The following PLCZ1 variants were observed in gnomAD, a reference collection of about 807,000 sequenced individuals.
The protein encoded by PLCZ1 is phospholipase C zeta 1.
Under a neutral mutation model 76.8 loss-of-function variants are expected in PLCZ1, and 64 were observed. The ratio of observed to expected loss-of-function variants is 0.83; its 90% CI spans 0.68 to 1.03. The LOEUF is 1.03. Ranked by LOEUF, PLCZ1 falls within the 50% of genes least tolerant of loss-of-function variation. PLCZ1 has a pLI of 0.00. For synonymous variants in PLCZ1, 248 were observed against 230.8 expected (o/e 1.07, Z -0.68); for missense variants, 751 against 713.7 (o/e 1.05, Z -0.60).
the PLCZ1 span, among the ~76,000 whole-genome samples, chr12:18,665,807 C>T: frequency 1.9e-4 from 29 of 151,710 alleles, no homozygotes; most frequent in Non-Finnish European, 3.8e-4. Flanking sequence ...TAGTGGTGCG[C>T]ACCTGTAGTC....
the PLCZ1 span, among the ~76,000 whole-genome samples, chr12:18,677,987 A>G: frequency 6.6e-6 from 1 of 152,118 alleles, no homozygotes; most frequent in Non-Finnish European, 1.5e-5. Context: ...GAGTATGTCA[A>G]TTAGCATAAA....
chr12:18,720,076 G>A (rs1037687988), intron 4 of PLCZ1, among the ~76,000 whole-genome samples: 1 of 151,952 alleles, frequency 6.6e-6, no homozygotes, highest in South Asian at 2.1e-4. Flanking sequence ...GTTTTCTTTG[G>A]TTGTTGCACT....
At position 18,736,308 on chromosome 12, in the gene PLCZ1, A is replaced by C; in HGVS notation, c.48T>G (p.Gly16=). 1 of 1,612,670 alleles carries C rather than the reference A, an allele frequency of 6.2e-7. No individual in the cohort carries two copies. Among genetic ancestry groups the C allele is most frequent in the Non-Finnish European group, 8.5e-7 (1 of 1,179,284 alleles). The change falls in exon 3 of 15, where the codon GGT becomes GGG. Residue 16 remains glycine (G), a synonymous_variant. Transcript: ENST00000266505. The part of the protein sequence containing the change: ...FLSKIQDDFR[G]GKINLEKTQR... ...GAGTTTTTTCTAGGTTAATTTTTCC[A>C]CCTCTGAAGTCATCCTGAATCTTTG...
chr12:18,690,713 C>A (rs1227021613), intron 12 of PLCZ1, among the ~76,000 whole-genome samples: 1 of 152,056 alleles, frequency 6.6e-6, no homozygotes, highest in Non-Finnish European at 1.5e-5. Flanking sequence ...AGACATGATT[C>A]CTAAGTCTTG....
chr12:18,736,360 A>T lies in PLCZ1; in HGVS notation c.12-16T>A. 6.2e-7 allele frequency: 1 copy of T among 1,608,526 alleles called. No individual in the cohort carries two copies. Among genetic ancestry groups the T allele is most frequent in the South Asian group, 1.1e-5 (1 of 90,694 alleles). On this transcript the variant is annotated splice_polypyrimidine_tract_variant and intron_variant, in intron 2 of 14. Transcript: ENST00000266505. ...CAAAAACCATGTAGAAGCACAAAAA[A>T]GTTAAGGAAATTCTCACAGAAAGTC...
chr12:18,717,925 A>G (rs1958166900), intron 5 of PLCZ1, among the ~76,000 whole-genome samples: 1 of 151,962 alleles, frequency 6.6e-6, no homozygotes, highest in East Asian at 1.9e-4. Flanking sequence ...AGCTAGCAAT[A>G]TGCTGTATGA....
At chr12:18,663,467 A>G in the PLCZ1 span, among the ~76,000 whole-genome samples, 1 of 152,162 alleles carries the variant, frequency 6.6e-6, no homozygotes, top group Non-Finnish European at 1.5e-5. Flanking sequence ...GAGGATATGC[A>G]TAGGTTATAT....
At chr12:18,694,557 A>G (rs762728067) in intron 12 of PLCZ1, among the ~76,000 whole-genome samples, 5 of 152,164 alleles carry the variant, frequency 3.3e-5, no homozygotes, top group Non-Finnish European at 7.4e-5. Context: ...AAATTCATCA[A>G]AGGCGAGAAA....
the PLCZ1 span, among the ~76,000 whole-genome samples, chr12:18,674,959 G>A: frequency 3.9e-5 from 6 of 152,064 alleles, no homozygotes; most frequent in Admixed American, 1.3e-4. Flanking sequence ...CTCCAGTCAC[G>A]TGAGTGAAGC....
the PLCZ1 span, among the ~76,000 whole-genome samples, chr12:18,670,259 A>G: frequency 0.45 from 68,414 of 151,948 alleles, 16,216 homozygotes; most frequent in South Asian, 0.6. Flanking sequence ...AGATTGCTAC[A>G]TTTCTCCACA....
intron 3 of PLCZ1, 109 bp downstream of exon 3, chr12:18,736,112 T>C (rs1372386689): frequency 1.6e-6 from 2 of 1,247,840 alleles, no homozygotes; most frequent in East Asian, 4.9e-5. Flanking sequence ...ATATAGTTAG[T>C]ATAATTAATT....
the PLCZ1 span, among the ~76,000 whole-genome samples, chr12:18,653,593 G>A: frequency 6.6e-6 from 1 of 152,116 alleles, no homozygotes; most frequent in Non-Finnish European, 1.5e-5. Flanking sequence ...ATGTGTGCAT[G>A]CTATTTTGAA....
the PLCZ1 span, among the ~76,000 whole-genome samples, chr12:18,667,797 A>G: frequency 6.6e-6 from 1 of 152,200 alleles, no homozygotes. Context: ...CCAGCAGTCA[A>G]TCCCAGCTCT....
intron 3 of PLCZ1, chr12:18,735,716 T>C (rs1959205761): frequency 6.5e-6 from 1 of 153,080 alleles, no homozygotes; most frequent in East Asian, 1.9e-4. Flanking sequence ...TGTCTCCACT[T>C]TCATTTCTGA....
In PLCZ1 at chr12:18,699,777, G is replaced by C. The variant is rs762682944; in HGVS notation, c.1174+17C>G. Reference sequence around the variant, plus strand: ...ACTCATTTAAACATTTCATCTATTTGAGTCACAAAAATTTACCTCGCAATT... The same window carrying C: ...ACTCATTTAAACATTTCATCTATTTCAGTCACAAAAATTTACCTCGCAATT... On this transcript the variant is annotated intron_variant, in intron 10 of 14. Transcript: ENST00000266505. 1 of 1,606,818 alleles carries C rather than the reference G, an allele frequency of 6.2e-7. No homozygotes were observed. The highest frequency in any genetic ancestry group is 8.5e-7 in the Non-Finnish European group (1 of 1,173,856).
intron 12 of PLCZ1, chr12:18,693,230 G>T: frequency 1.9e-6 from 3 of 1,560,866 alleles, no homozygotes; most frequent in South Asian, 2.2e-5. Flanking sequence ...GCTCGGTCAG[G>T]CTCAACCACA....
chr12:18,684,280 C>T lies in PLCZ1; in HGVS notation c.1592-1G>A, dbSNP rs758770165. 6.2e-7 allele frequency: 1 copy of T among 1,601,118 alleles called. No individual in the cohort carries two copies. The highest frequency in any genetic ancestry group is 1.1e-5 in the South Asian group (1 of 90,542). On this transcript the variant is annotated splice_acceptor_variant, in intron 13 of 14. Transcript: ENST00000266505. LOFTEE classifies it high-confidence loss of function. The stretch of plus-strand genomic sequence containing the variant: ...GTTTCATTCCATCTTGGACTAAAAG[C>T]TGAAATATAAAAAAAGAAGATACAA...
At position 18,701,706 on chromosome 12, in the gene PLCZ1, C is replaced by A. The variant is rs756305954; in HGVS notation, c.935G>T (p.Gly312Val). The A allele has an allele frequency of 6.2e-6, 10 of 1,611,576 alleles. No homozygotes were observed. In the East Asian group the frequency reaches 9.0e-5, roughly 14 times the overall value. The part of the protein sequence containing the change: ...GTLKETHERK[G>V]SDKRGDNQDK... The stretch of plus-strand genomic sequence containing the variant: ...CTCCACCTTACCACGCTTATCAGAA[C>A]CTTTTCTTTCATGGGTTTCCTTTAA... Residue 312 changes from glycine (G) to valine (V), a missense_variant, in exon 8 of 15, where the codon GGT (glycine) becomes GTT (valine). By Grantham distance (109) the Gly-to-Val change is moderately radical. Transcript: ENST00000266505.
At chr12:18,648,016 C>G in the PLCZ1 span, 6 of 1,591,074 alleles carry the variant, frequency 3.8e-6, no homozygotes, top group Non-Finnish European at 5.1e-6. Context: ...CATTAGGAAA[C>G]AGTATAATTT....
Sources: allele counts gnomAD v4.1 joint callset (sites outside exome capture counted in the v4.1 genomes callset), GRCh38; gene constraint gnomAD v4.1.1; transcripts MANE v1.5; gene names NCBI Gene and HGNC (gene_info 2026-07-23, HGNC 2026-07-21).